The following RPH3AL variants were observed in gnomAD, a reference collection of about 807,000 sequenced individuals.
RPH3AL encodes rab effector Noc2.
RPH3AL carries 38 observed loss-of-function variants against 43.1 expected under a neutral mutation model. The ratio of observed to expected loss-of-function variants is 0.88; its 90% CI spans 0.68 to 1.15. The LOEUF is 1.15. RPH3AL is among the 50% of genes most tolerant of loss of function. The probability of loss-of-function intolerance (pLI) is 0.00; values close to 1 mark genes in which losing one functional copy is unlikely to be tolerated. For missense variants in RPH3AL, 462 were observed against 423.2 expected (o/e 1.09, Z -0.81); for synonymous variants, 189 against 176.3 (o/e 1.07, Z -0.57).
At chr17:216,990 T>G (rs1042550008) in intron 8 of RPH3AL, among the ~76,000 whole-genome samples, 3 of 152,024 alleles carry the variant, frequency 2.0e-5, no homozygotes. Flanking sequence ...TCTGGGGCAG[T>G]TATTACAGAG....
chr17:345,812 A>C (rs1193293490), intron 1 of RPH3AL, among the ~76,000 whole-genome samples: 3 of 123,130 alleles, frequency 2.4e-5, no homozygotes, highest in African/African-American at 8.6e-5. Context: ...TGCTGAGGCA[A>C]GCGTGCTCCC....
At chr17:234,655 G>A in intron 7 of RPH3AL, 1 of 154,012 alleles carries the variant, frequency 6.5e-6, no homozygotes. Context: ...GCCTCCTTCT[G>A]CAAGCTCCAG....
intron 7 of RPH3AL, among the ~76,000 whole-genome samples, chr17:227,699 C>T (rs1017067133): frequency 3.9e-5 from 6 of 152,176 alleles, no homozygotes; most frequent in African/African-American, 1.2e-4. Context: ...AGAGCATTGC[C>T]GCCCGGCACA....
At chr17:308,122 C>T (rs1241850684) in intron 5 of RPH3AL, among the ~76,000 whole-genome samples, 2 of 152,204 alleles carry the variant, frequency 1.3e-5, no homozygotes, top group African/African-American at 2.4e-5. Flanking sequence ...TCGTCTTCCA[C>T]GTCTGAATTA....
At chr17:233,480 G>A (rs2041278882) in intron 7 of RPH3AL, among the ~76,000 whole-genome samples, 1 of 152,134 alleles carries the variant, frequency 6.6e-6, no homozygotes. Context: ...AGGTCACGTT[G>A]GGCCACCTCC....
chr17:215,978 C>T lies in RPH3AL; in HGVS notation c.728-176G>A, dbSNP rs544033608. The T allele has an allele frequency of 3.3e-3, 1,384 of 418,894 alleles. 1 individual carries two copies. The highest frequency in any genetic ancestry group is 9.5e-3 in the Admixed American group (190 of 20,054). The allele number at this position is 418,894 out of a possible 1,614,324, so 25.9% of individuals were successfully genotyped here. ...ATGGCTGCCGGGCTCTGGCCTGACC[C>T]CACCCACATGGCTGCCGGGCTCTGG... On this transcript the variant is annotated intron_variant, in intron 8 of 9. Transcript: ENST00000331302. The surrounding 1 kb of genome is among the most constrained non-coding windows in gnomAD (Gnocchi z 4.1).
At chr17:337,630 C>T (rs1196695244) in intron 1 of RPH3AL, among the ~76,000 whole-genome samples, 7 of 152,184 alleles carry the variant, frequency 4.6e-5, no homozygotes, top group Admixed American at 4.6e-4. Context: ...CAGAGCTAAG[C>T]GTCTGCTCCT....
Position 274,615 on chromosome 17 carries a change from C to T in RPH3AL, c.438+7153G>A, listed in dbSNP as rs2042610122. Among the ~76,000 whole-genome samples, 1 of 152,120 alleles carries T rather than the reference C, an allele frequency of 6.6e-6. No individual in the cohort carries two copies. Among genetic ancestry groups the T allele is most frequent in the South Asian group, 2.1e-4 (1 of 4,802 alleles). On this transcript the variant is annotated intron_variant, in intron 6 of 9. Transcript: ENST00000331302. This position sits in a 1 kb window ranked among gnomAD's most constrained non-coding sequence, Gnocchi z 4.7. ...GCATAAGCCAGGGGCTGCGGTCCCT[C>T]GTCCTCCCTGGTTCCGACGGGCCAG...
intron 5 of RPH3AL, among the ~76,000 whole-genome samples, chr17:314,230 G>A (rs1008490807): frequency 2.0e-5 from 3 of 152,146 alleles, no homozygotes; most frequent in Admixed American, 2.0e-4. Flanking sequence ...GTCCCCTATA[G>A]CTGGAATATT....
chr17:299,889 G>A (rs76409478), intron 5 of RPH3AL, among the ~76,000 whole-genome samples: 2 of 152,264 alleles, frequency 1.3e-5, no homozygotes, highest in African/African-American at 4.8e-5. Context: ...ACTGAGCCTA[G>A]GGGGCAGGTG....
chr17:286,834 C>T (rs944431795), intron 5 of RPH3AL, among the ~76,000 whole-genome samples: 5 of 152,146 alleles, frequency 3.3e-5, no homozygotes, highest in East Asian at 1.9e-4. Context: ...GGAACTGCGT[C>T]CGGGTGTTAA....
intron 6 of RPH3AL, chr17:247,536 A>G: frequency 2.1e-6 from 1 of 476,032 alleles, no homozygotes; most frequent in Non-Finnish European, 3.7e-6. Flanking sequence ...CCCAGGCTGG[A>G]GTGCAGTGGT....
chr17:280,458 T>G (rs1051330652), intron 6 of RPH3AL, among the ~76,000 whole-genome samples: 4 of 152,072 alleles, frequency 2.6e-5, no homozygotes, highest in Non-Finnish European at 5.9e-5. Flanking sequence ...AGTATCACCA[T>G]GGATGAGCAG....
At chr17:260,841 G>T (rs1379819076) in intron 6 of RPH3AL, among the ~76,000 whole-genome samples, 1 of 152,048 alleles carries the variant, frequency 6.6e-6, no homozygotes, top group Non-Finnish European at 1.5e-5. Context: ...ACCAGGCACA[G>T]CTGCTCTCAC....
chr17:343,096 C>T (rs925394616), intron 1 of RPH3AL, among the ~76,000 whole-genome samples: 4 of 152,130 alleles, frequency 2.6e-5, no homozygotes, highest in Non-Finnish European at 4.4e-5. Flanking sequence ...ACCAGGTTCA[C>T]AACATTAGGA....
intron 6 of RPH3AL, among the ~76,000 whole-genome samples, chr17:252,469 A>G (rs2041930151): frequency 6.6e-6 from 1 of 152,110 alleles, no homozygotes; most frequent in Non-Finnish European, 1.5e-5. Flanking sequence ...AAACTAGGCT[A>G]ATGTAGATGC....
At chr17:342,017 C>CA (rs1390908455) in intron 1 of RPH3AL, among the ~76,000 whole-genome samples, 2 of 152,088 alleles carry the variant, frequency 1.3e-5, no homozygotes, top group Non-Finnish European at 2.9e-5. Context: ...AACTCAACAA[C>CA]AAAATGACAA....
At position 299,891 on chromosome 17, in the gene RPH3AL, G is replaced by A. The variant is rs572915028; in HGVS notation, c.352-18037C>T. ...AGGGAAGACGGCCACTGAGCCTAGG[G>A]GGCAGGTGTCCCGGGGGAGAAGGAG... On this transcript the variant is annotated intron_variant, in intron 5 of 9. Coordinates refer to ENST00000331302, the MANE Select transcript of RPH3AL (RefSeq NM_006987.4). Among the ~76,000 whole-genome samples the A allele has an allele frequency of 3.3e-5, 5 of 152,376 alleles. No individual in the cohort carries two copies. The East Asian group carries it at 9.6e-4, about 29-fold the overall frequency.
chr17:315,128 T>A (rs372942158), intron 5 of RPH3AL, among the ~76,000 whole-genome samples: 2 of 33,452 alleles, frequency 6.0e-5, no homozygotes, highest in African/African-American at 2.9e-4. Flanking sequence ...ACCTGTAGTC[T>A]CTGTGCTCCA....
Sources: gnomAD v4.1 joint callset for allele counts (sites outside exome capture counted in the v4.1 genomes callset) on GRCh38, gnomAD v4.1.1 for gene constraint, Gnocchi (gnomAD v3.1) non-coding constraint, MANE v1.5 for transcripts, NCBI Gene and HGNC (gene_info 2026-07-23, HGNC 2026-07-21) for gene names.